BRWD1: variants seen among roughly 807,000 people sequenced by gnomAD.
BRWD1 encodes bromodomain and WD repeat domain containing 1.
Under a neutral mutation model 251.2 loss-of-function variants are expected in BRWD1, and 82 were observed. The ratio of observed to expected loss-of-function variants is 0.33; its 90% CI spans 0.27 to 0.39. BRWD1 has a LOEUF of 0.39. Ranked by LOEUF, BRWD1 falls within the 10% of genes least tolerant of loss-of-function variation. The pLI, the probability that BRWD1 is intolerant of heterozygous loss-of-function variation, is 1.00. For missense variants in BRWD1, 2,233 were observed against 2,711.6 expected, an observed-to-expected ratio of 0.82 and a Z score of 3.92; for synonymous variants, 918 against 902.8, an observed-to-expected ratio of 1.02 and a Z score of -0.30.
Position 39,270,050 on chromosome 21 carries a change from C to A in BRWD1, c.1396-17G>T. The A allele has an allele frequency of 6.5e-7, 1 of 1,542,328 alleles. No homozygotes were observed. Among genetic ancestry groups the A allele is most frequent in the South Asian group, 1.3e-5 (1 of 77,328 alleles). ...AGCATGTCCCTTTATTTAACAAAGT[C>A]ATAACATTAAGGAGGGTTTACAAGT... is the stretch of plus-strand genomic sequence containing the variant. On this transcript the variant is annotated splice_polypyrimidine_tract_variant and intron_variant, in intron 14 of 40. Transcript: ENST00000342449.
In BRWD1 at chr21:39,215,432, A is replaced by T; in HGVS notation, c.3660-70T>A. ...TAGAAACCAAGTGAAAAAATGCAGCATGTGAATTAAACAACTGTGAAATAA... is the reference window on the plus strand; with the variant it reads ...TAGAAACCAAGTGAAAAAATGCAGCTTGTGAATTAAACAACTGTGAAATAA... On this transcript the variant is annotated intron_variant, in intron 31 of 40. Transcript: ENST00000342449. 2.2e-6 allele frequency: 3 copies of T among 1,343,136 alleles called. No homozygotes were observed. In the South Asian group the frequency reaches 3.8e-5, roughly 17 times the overall value. The allele number at this position is 1,343,136 out of a possible 1,614,324, so 83.2% of individuals were successfully genotyped here.
At chr21:39,308,946 C>T (rs573733980) in intron 4 of BRWD1, among the ~76,000 whole-genome samples, 128 of 152,148 alleles carry the variant, frequency 8.4e-4, no homozygotes, top group Non-Finnish European at 1.3e-3. Context: ...GAGGCCGAGG[C>T]GGGCAGGTCA....
rs1220827412 is a variant in BRWD1 at position 39,190,974 on chromosome 21, GAAA to G, written c.*5282_*5284del. ...ACAATACAGTTTTCTCTCACCCCTAGAAAAACTCAGATTTGTGATGGCTATTGC... is the reference window on the plus strand; with the variant it reads ...ACAATACAGTTTTCTCTCACCCCTAGAACTCAGATTTGTGATGGCTATTGC... On this transcript the variant is annotated 3_prime_UTR_variant, in exon 41 of 41. Coordinates refer to ENST00000342449, the MANE Select transcript of BRWD1 (RefSeq NM_033656.4). 1.0e-6 allele frequency: 1 copy of G among 984,960 alleles called. No individual in the cohort carries two copies. Among genetic ancestry groups the G allele is most frequent in the Non-Finnish European group, 1.2e-6 (1 of 829,776 alleles). 61.0% of individuals were successfully genotyped at this position (984,960 alleles called of 1,614,324 possible).
At chr21:39,310,993 G>C (rs1313314904) in intron 4 of BRWD1, among the ~76,000 whole-genome samples, 2 of 151,982 alleles carry the variant, frequency 1.3e-5, no homozygotes, top group East Asian at 3.9e-4. Flanking sequence ...GGGCAGAGAG[G>C]AAGGTAAAAA....
Position 39,279,928 on chromosome 21 carries a change from G to C in BRWD1, c.932+220C>G, listed in dbSNP as rs918144326. Among the ~76,000 whole-genome samples, 5 of 151,910 alleles carry C rather than the reference G, an allele frequency of 3.3e-5. No individual in the cohort carries two copies. The South Asian group carries it at 6.2e-4, about 19-fold the overall frequency. Reference sequence around the variant, plus strand: ...CTTTGTCTTTGCAAAAATGTGCTAAGATAGAAAAGCTATGCTTCTTTTACA... The same window carrying C: ...CTTTGTCTTTGCAAAAATGTGCTAACATAGAAAAGCTATGCTTCTTTTACA... On this transcript the variant is annotated intron_variant, in intron 9 of 40. Coordinates refer to ENST00000342449, the MANE Select transcript of BRWD1 (RefSeq NM_033656.4).
chr21:39,187,270 T>C lies in BRWD1; in HGVS notation c.*8989A>G. ...TAGATTACTCATTATCTTTATTTTA[T>C]TTGCAGCAACAGTAGCACATCTGCG... is the stretch of plus-strand genomic sequence containing the variant. On this transcript the variant is annotated 3_prime_UTR_variant, in exon 41 of 41. Coordinates refer to ENST00000342449, the MANE Select transcript of BRWD1 (RefSeq NM_033656.4). The C allele has an allele frequency of 6.2e-7, 1 of 1,614,016 alleles. No individual in the cohort carries two copies. The highest frequency in any genetic ancestry group is 1.1e-5 in the South Asian group (1 of 91,054).
chr21:39,291,643 C>T (rs1054603438), intron 8 of BRWD1, among the ~76,000 whole-genome samples: 4 of 152,212 alleles, frequency 2.6e-5, no homozygotes, highest in African/African-American at 9.6e-5. Context: ...ACTCTATCCG[C>T]CCATATGTGC....
intron 31 of BRWD1, among the ~76,000 whole-genome samples, chr21:39,215,654 T>C (rs563004127): frequency 1.3e-3 from 205 of 152,206 alleles, no homozygotes; most frequent in Middle Eastern, 0.01. Context: ...AGGTACCTTT[T>C]AAAATTGTTG....
At chr21:39,256,529 C>G (rs116361987) in intron 18 of BRWD1, among the ~76,000 whole-genome samples, 2,316 of 152,300 alleles carry the variant, frequency 0.015, 59 homozygotes, top group African/African-American at 0.053. Flanking sequence ...GAAGACAACA[C>G]TGACGCTCTG....
At position 39,187,171 on chromosome 21, in the gene BRWD1, G is replaced by A. The variant is rs780265759; in HGVS notation, c.*9088C>T. The A allele has an allele frequency of 6.2e-6, 10 of 1,613,724 alleles. No individual in the cohort carries two copies. The highest frequency in any genetic ancestry group is 8.5e-6 in the Non-Finnish European group (10 of 1,179,898). On this transcript the variant is annotated 3_prime_UTR_variant, in exon 41 of 41. Transcript: ENST00000342449. The stretch of plus-strand genomic sequence containing the variant: ...CAGTAATTTTTTCTTAGCCGCAGCA[G>A]AAGCATTTCGATGGGGCAGTTTTCT...
At chr21:39,270,520 A>T in intron 13 of BRWD1, 87 bp from the exon 14 acceptor site, 1 of 1,136,242 alleles carries the variant, frequency 8.8e-7, no homozygotes, top group Non-Finnish European at 1.2e-6. Flanking sequence ...AAAATAAAGA[A>T]ATCCAACCCA....
chr21:39,268,904 C>T (rs575373149), intron 15 of BRWD1, among the ~76,000 whole-genome samples: 71 of 152,200 alleles, frequency 4.7e-4, no homozygotes, highest in African/African-American at 1.7e-3. Context: ...AGGAGAATAG[C>T]GTGAACCCGG....
chr21:39,278,472 T>C, intron 10 of BRWD1: 2 of 389,450 alleles, frequency 5.1e-6, no homozygotes, highest in East Asian at 7.8e-5. Context: ...ATACACATAG[T>C]ACTGGCATAG....
At chr21:39,210,261 ACT>A (rs1297142501) in intron 35 of BRWD1, 114 bp from the exon 36 acceptor site, 3 of 809,284 alleles carry the variant, frequency 3.7e-6, no homozygotes, top group Non-Finnish European at 5.7e-6. Context: ...AGGTTAGAGG[ACT>A]CTTAAAATTC....
chr21:39,299,514 T>C (rs2036050466), intron 4 of BRWD1, among the ~76,000 whole-genome samples: 1 of 152,044 alleles, frequency 6.6e-6, no homozygotes, highest in African/African-American at 2.4e-5. Flanking sequence ...AAATGAAAAA[T>C]AATCATTTAT....
chr21:39,234,237 A>C (rs965671881), intron 23 of BRWD1, among the ~76,000 whole-genome samples: 18 of 152,164 alleles, frequency 1.2e-4, no homozygotes, highest in Non-Finnish European at 4.4e-5. Flanking sequence ...GGCCCTGAAG[A>C]AGCTTACAGT....
At chr21:39,263,659 A>G (rs765343165) in intron 17 of BRWD1, among the ~76,000 whole-genome samples, 2 of 152,210 alleles carry the variant, frequency 1.3e-5, no homozygotes, top group Non-Finnish European at 2.9e-5. Context: ...AACAATGATG[A>G]AGTTAGAAAA....
At position 39,186,930 on chromosome 21, in the gene BRWD1, A is replaced by G. The variant is rs1260482189; in HGVS notation, c.*9329T>C. The stretch of plus-strand genomic sequence containing the variant: ...TTAGAAAATTCCTCCAAAGATGCCA[A>G]TAAGGGAGTAATTTTAGAGCTGGGA... On this transcript the variant is annotated 3_prime_UTR_variant, in exon 41 of 41. Coordinates refer to ENST00000342449, the MANE Select transcript of BRWD1 (RefSeq NM_033656.4). 6.0e-6 allele frequency: 9 copies of G among 1,493,502 alleles called. No homozygotes were observed. The highest frequency in any genetic ancestry group is 2.5e-4 in the Middle Eastern group (1 of 3,930). 92.5% of individuals were successfully genotyped at this position (1,493,502 alleles called of 1,614,324 possible).
At chr21:39,219,892 GA>G (rs2033104452) in intron 29 of BRWD1, 1 of 152,184 alleles carries the variant, frequency 6.6e-6, no homozygotes, top group Non-Finnish European at 1.5e-5. Flanking sequence ...AAATGTGGGG[GA>G]AGAGGGCAGA....
Sources: allele counts gnomAD v4.1 joint callset (sites outside exome capture counted in the v4.1 genomes callset), GRCh38; gene constraint gnomAD v4.1.1; transcripts MANE v1.5; gene names NCBI Gene and HGNC (gene_info 2026-07-23, HGNC 2026-07-21).